NEBL: variants seen among roughly 807,000 people sequenced by gnomAD.
NEBL encodes nebulette, also known as LIM and SH3 protein 2.
Under a neutral mutation model 140.2 loss-of-function variants are expected in NEBL, and 122 were observed. That is an observed-to-expected ratio of 0.87 (90% CI 0.75 to 1.01). The LOEUF is 1.01. Ranked by LOEUF, NEBL falls within the 50% of genes least tolerant of loss-of-function variation. NEBL has a pLI of 0.00. For synonymous variants in NEBL, 436 were observed against 398.9 expected, an observed-to-expected ratio of 1.09 and a Z score of -1.11; for missense variants, 1,365 against 1,231.3, an observed-to-expected ratio of 1.11 and a Z score of -1.62.
chr10:20,867,699 T>C (rs1052711952), intron 7 of NEBL: 1 of 152,120 alleles, frequency 6.6e-6, no homozygotes, highest in Non-Finnish European at 1.5e-5. Context: ...TTCATTTTTG[T>C]ATATGGTTTA....
chr10:21,117,227 C>T (rs1354431168), intron 2 of NEBL, among the ~76,000 whole-genome samples: 1 of 151,818 alleles, frequency 6.6e-6, no homozygotes, highest in Admixed American at 6.6e-5. Flanking sequence ...GGCCTTTCTA[C>T]TCTGGGTGAT....
At chr10:20,949,442 A>T (rs2131589788) in intron 4 of NEBL, among the ~76,000 whole-genome samples, 1 of 152,326 alleles carries the variant, frequency 6.6e-6, no homozygotes, top group East Asian at 1.9e-4. Flanking sequence ...CTGCACATGT[A>T]TCCCAGAACG....
chr10:21,186,355 A>G (rs948313980), intron 3 of NEBL, among the ~76,000 whole-genome samples: 4 of 151,526 alleles, frequency 2.6e-5, no homozygotes, highest in African/African-American at 7.3e-5. Context: ...AGATAATGGT[A>G]TTCGGAAGTG....
intron 1 of NEBL, among the ~76,000 whole-genome samples, chr10:21,262,824 T>C (rs1048436963): frequency 6.6e-6 from 1 of 152,174 alleles, no homozygotes; most frequent in South Asian, 2.1e-4. Flanking sequence ...GGTTTTCCAG[T>C]GTGCCCATGA....
intron 2 of NEBL, chr10:21,146,413 A>T (rs200339723): frequency 2.8e-6 from 3 of 1,056,780 alleles, no homozygotes; most frequent in African/African-American, 2.2e-5. Context: ...AAGCACAAAC[A>T]CTCTCTCTCA....
At chr10:21,269,966 T>C (rs911636354) in intron 1 of NEBL, among the ~76,000 whole-genome samples, 7 of 152,236 alleles carry the variant, frequency 4.6e-5, no homozygotes, top group Admixed American at 6.5e-5. Flanking sequence ...GAGTTCTTTG[T>C]TTGTTTTCAA....
chr10:21,099,190 A>G (rs534067036), intron 2 of NEBL, among the ~76,000 whole-genome samples: 111 of 152,360 alleles, frequency 7.3e-4, no homozygotes, highest in African/African-American at 2.7e-3. Flanking sequence ...TCATAGACAT[A>G]TCATTTTTTA....
intron 4 of NEBL, among the ~76,000 whole-genome samples, chr10:20,914,606 A>G (rs1298063314): frequency 6.6e-6 from 1 of 152,118 alleles, no homozygotes; most frequent in African/African-American, 2.4e-5. Flanking sequence ...TTGGTAGTTT[A>G]TATATTTCTT....
chr10:20,898,440 C>T (rs1420060155), upstream of NEBL, among the ~76,000 whole-genome samples: 2 of 91,748 alleles, frequency 2.2e-5, no homozygotes, highest in Non-Finnish European at 5.0e-5. Flanking sequence ...TTTCAATGTA[C>T]TGTAAAAAAA....
Position 21,089,560 on chromosome 10 carries a change from G to A in NEBL, c.165-69359C>T, listed in dbSNP as rs550480497. ...AGGGCAGAGAGACCGAGAAGGAGGA[G>A]ACTGACGGGGAGCCACTGAATTCAC... On this transcript the variant is annotated intron_variant, in intron 2 of 6. Transcript: ENST00000417816. 2.0e-5 allele frequency among the ~76,000 whole-genome samples: 3 copies of A among 152,200 alleles called. No individual in the cohort carries two copies. In the East Asian group the frequency reaches 5.8e-4, roughly 29 times the overall value.
intron 3 of NEBL, among the ~76,000 whole-genome samples, chr10:21,002,018 TGTTA>T (rs1386581799): frequency 1.3e-5 from 2 of 152,202 alleles, no homozygotes; most frequent in South Asian, 2.1e-4. Context: ...TAAGGTGATT[TGTTA>T]GTTAGTTGGG....
At chr10:21,215,945 A>G (rs1841986190) in intron 3 of NEBL, among the ~76,000 whole-genome samples, 1 of 152,182 alleles carries the variant, frequency 6.6e-6, no homozygotes, top group Admixed American at 6.5e-5. Context: ...TGCTGGAATT[A>G]TAGGCGTGAG....
At chr10:20,908,627 T>C (rs1185666263) in intron 4 of NEBL, among the ~76,000 whole-genome samples, 2 of 152,218 alleles carry the variant, frequency 1.3e-5, no homozygotes, top group African/African-American at 4.8e-5. Flanking sequence ...GGTTTATATT[T>C]TTTAATTAAG....
chr10:20,962,646 C>T (rs1158834315), intron 3 of NEBL, among the ~76,000 whole-genome samples: 2 of 152,302 alleles, frequency 1.3e-5, no homozygotes, highest in African/African-American at 4.8e-5. Flanking sequence ...AAAGATTTGG[C>T]TTGTTAATGA....
Position 20,785,666 on chromosome 10 carries a change from G to T in NEBL, c.*81C>A. On this transcript the variant is annotated 3_prime_UTR_variant, in exon 28 of 28. Coordinates refer to ENST00000377122, the MANE Select transcript of NEBL (RefSeq NM_006393.3). ...ATCATTGTAAAATAATGGCCAAGTT[G>T]TCTTAAAAGTATCTTCTATCTTTTA... 6.8e-7 allele frequency: 1 copy of T among 1,466,764 alleles called. No homozygotes were observed. Among genetic ancestry groups the T allele is most frequent in the Non-Finnish European group, 9.3e-7 (1 of 1,069,810 alleles). 90.9% of individuals were successfully genotyped at this position (1,466,764 alleles called of 1,614,324 possible).
chr10:20,830,505 C>G (rs1172803153), intron 16 of NEBL, among the ~76,000 whole-genome samples: 1 of 152,090 alleles, frequency 6.6e-6, no homozygotes, highest in Non-Finnish European at 1.5e-5. Context: ...GAATATGGGA[C>G]AAGTATATTT....
intron 2 of NEBL, among the ~76,000 whole-genome samples, chr10:21,162,161 C>A (rs1311900952): frequency 4.6e-5 from 7 of 152,100 alleles, no homozygotes. Context: ...CACCAATGTG[C>A]CAGGAAGAAA....
chr10:20,969,097 A>C (rs1455642617), intron 3 of NEBL, among the ~76,000 whole-genome samples: 4 of 152,214 alleles, frequency 2.6e-5, no homozygotes, highest in African/African-American at 4.8e-5. Context: ...AAGGTCTAAA[A>C]TGCAGAAAAT....
chr10:20,793,557 C>CTT (rs781461906), intron 26 of NEBL, among the ~76,000 whole-genome samples: 2 of 141,060 alleles, frequency 1.4e-5, no homozygotes, highest in African/African-American at 2.6e-5. Context: ...TCTTTCTTTT[C>CTT]TTTTTTTTTT....
Sources: gnomAD v4.1 joint callset for allele counts (sites outside exome capture counted in the v4.1 genomes callset) on GRCh38, gnomAD v4.1.1 for gene constraint, MANE v1.5 for transcripts, NCBI Gene and HGNC (gene_info 2026-07-23, HGNC 2026-07-21) for gene names.